HECTD4: variants seen among roughly 807,000 people sequenced by gnomAD.
HECTD4 encodes the protein HECT domain E3 ubiquitin protein ligase 4, also known as probable E3 ubiquitin-protein ligase HECTD4.
Under a neutral mutation model 471.5 loss-of-function variants are expected in HECTD4, and 114 were observed. The ratio of observed to expected loss-of-function variants is 0.24; its 90% CI spans 0.21 to 0.28. HECTD4 has a LOEUF of 0.28. HECTD4 is among the 10% of genes least tolerant of loss of function. The pLI is 1.00. For synonymous variants in HECTD4, 2,012 were observed against 2,256.0 expected (o/e 0.89, Z 3.07); for missense variants, 3,866 against 5,651.5 (o/e 0.68, Z 10.13).
intron 15 of HECTD4, among the ~76,000 whole-genome samples, chr12:112,265,570 T>C (rs2034249740): frequency 6.6e-6 from 1 of 152,170 alleles, no homozygotes; most frequent in Non-Finnish European, 1.5e-5. Flanking sequence ...ATACTCAGCC[T>C]TTCTCATAAA....
At chr12:112,256,258 A>G in intron 21 of HECTD4, 62 bp downstream of exon 21, 2 of 1,211,292 alleles carry the variant, frequency 1.7e-6, no homozygotes, top group Non-Finnish European at 2.2e-6. Context: ...AAAGAAAAAT[A>G]AGAAGCATCT....
At chr12:112,176,452 C>T (rs1300495470) in intron 65 of HECTD4, 144 bp downstream of exon 65, 1 of 632,886 alleles carries the variant, frequency 1.6e-6, no homozygotes, top group East Asian at 2.7e-5. Flanking sequence ...TGCCTGATAC[C>T]CCAGGGAACC....
In HECTD4 at chr12:112,279,341, G is replaced by A; in HGVS notation, c.1574C>T (p.Pro525Leu). ...CAAGTAGGTGCCACAGGTATATATG[G>A]GTGTCTTCCGCAGCATTTTTAGAGG... The part of the protein sequence containing the change: ...GLPLKMLRKT[P>L]IYTCGTYLVM... The change falls in exon 9 of 76, where the codon CCC becomes CTC. Residue 525 changes from proline to leucine, a missense_variant. Pro to Leu is a moderately conservative substitution (Grantham distance 98). Transcript: ENST00000682272. 1 of 1,610,226 alleles carries A rather than the reference G, an allele frequency of 6.2e-7. No homozygotes were observed. Among genetic ancestry groups the A allele is most frequent in the Non-Finnish European group, 8.5e-7 (1 of 1,179,212 alleles).
At chr12:112,216,211 T>C (rs1424276126) in intron 48 of HECTD4, 81 bp downstream of exon 48, 8 of 914,524 alleles carry the variant, frequency 8.7e-6, no homozygotes, top group African/African-American at 1.7e-5. Context: ...AATTGCTAAA[T>C]TTATTCAACT....
At chr12:112,170,494 C>A in intron 68 of HECTD4, 42 bp from the exon 69 acceptor site, 1 of 1,603,176 alleles carries the variant, frequency 6.2e-7, no homozygotes, top group South Asian at 1.1e-5. Flanking sequence ...GGGGCTTTGT[C>A]CCTTCCTTCC....
Position 112,239,005 on chromosome 12 carries a change from C to A in HECTD4, c.5290+47G>T, listed in dbSNP as rs1449001476. On this transcript the variant is annotated intron_variant, in intron 34 of 75. Coordinates refer to ENST00000682272, the MANE Select transcript of HECTD4 (RefSeq NM_001388303.1). This position sits in a 1 kb window ranked among gnomAD's most constrained non-coding sequence, Gnocchi z 4.9. The stretch of plus-strand genomic sequence containing the variant: ...ATAAAAAAACCAATAAACTAACACA[C>A]CAATAGAAGAAATCAGTGAGCTCTA... 2.0e-6 allele frequency: 3 copies of A among 1,533,212 alleles called. No homozygotes were observed. Among genetic ancestry groups the A allele is most frequent in the Non-Finnish European group, 1.8e-6 (2 of 1,138,364 alleles). 95.0% of individuals were successfully genotyped at this position (1,533,212 alleles called of 1,614,324 possible).
At chr12:112,332,034 C>T (rs778385186) in intron 1 of HECTD4, among the ~76,000 whole-genome samples, 3 of 151,840 alleles carry the variant, frequency 2.0e-5, no homozygotes, top group Non-Finnish European at 2.9e-5. Context: ...ACTGGGGATG[C>T]GTGGCCTACA....
intron 17 of HECTD4, among the ~76,000 whole-genome samples, chr12:112,262,897 G>A (rs2034181692): frequency 6.6e-6 from 1 of 152,124 alleles, no homozygotes; most frequent in Non-Finnish European, 1.5e-5. Context: ...GATTACAGGT[G>A]TCAGCCACCA....
intron 35 of HECTD4, 97 bp downstream of exon 35, chr12:112,236,848 T>G: frequency 8.7e-7 from 1 of 1,154,332 alleles, no homozygotes; most frequent in Non-Finnish European, 1.1e-6. Context: ...GCCTAGTAAT[T>G]TAGCTATTTT....
chr12:112,188,963 A>G lies in HECTD4; in HGVS notation c.9472+1823T>C, dbSNP rs1202711823. Reference sequence around the variant, plus strand: ...AGAGAATTCTTCACCAAAATTGCACATGACGGCCTATGCGCTGAAACTTAT... The same window carrying G: ...AGAGAATTCTTCACCAAAATTGCACGTGACGGCCTATGCGCTGAAACTTAT... On this transcript the variant is annotated intron_variant, in intron 60 of 75. Coordinates refer to ENST00000682272, the MANE Select transcript of HECTD4 (RefSeq NM_001388303.1). This position sits in a 1 kb window ranked among gnomAD's most constrained non-coding sequence, Gnocchi z 4.2. Among the ~76,000 whole-genome samples the G allele has an allele frequency of 6.6e-6, 1 of 152,232 alleles. No individual in the cohort carries two copies. Among genetic ancestry groups the G allele is most frequent in the Non-Finnish European group, 1.5e-5 (1 of 68,046 alleles).
intron 7 of HECTD4, among the ~76,000 whole-genome samples, chr12:112,300,642 T>G (rs1199234580): frequency 6.6e-6 from 1 of 152,158 alleles, no homozygotes; most frequent in Admixed American, 6.5e-5. Flanking sequence ...CTGTCACTCA[T>G]GCTGGAATGC....
rs543381775 is a variant in HECTD4, at chr12:112,325,723, C to T, written c.178-5981G>A. Among the ~76,000 whole-genome samples, 15 of 152,188 alleles carry T rather than the reference C, an allele frequency of 9.9e-5. No homozygotes were observed. The South Asian group carries it at 1.7e-3, about 17-fold the overall frequency. Reference sequence around the variant, plus strand: ...AACTGTACTTTGGTGATAATGCTAACGTTACCCTAATTAAGGGAGTGACTG... The same window carrying T: ...AACTGTACTTTGGTGATAATGCTAATGTTACCCTAATTAAGGGAGTGACTG... On this transcript the variant is annotated intron_variant, in intron 1 of 75. Transcript: ENST00000682272.
rs371829562 is a variant in HECTD4, at chr12:112,228,131, G to A, written c.6812C>T (p.Pro2271Leu). ...AAGGAGCCGAACGACTGCCATCACA[G>A]GAGCTGACCCATCTCCTGTTGCAGG... is the stretch of plus-strand genomic sequence containing the variant. ...SLPATGDGSA[P>L]VMAVVRLLAE... The change falls in exon 43 of 76, where the codon CCT becomes CTT. Residue 2271 changes from proline to leucine, a missense_variant. Physicochemically the swap from Pro to Leu is moderately conservative, Grantham distance 98. This residue lies in a region of HECTD4 where 617 missense variants were observed against 915.1 expected (regional missense o/e 0.67). Coordinates refer to ENST00000682272, the MANE Select transcript of HECTD4 (RefSeq NM_001388303.1). This position sits in a 1 kb window ranked among gnomAD's most constrained non-coding sequence, Gnocchi z 4.9. 114 of 1,613,454 alleles carry A rather than the reference G, an allele frequency of 7.1e-5. 1 individual carries two copies. In the Admixed American group the frequency reaches 1.4e-3, roughly 20 times the overall value.
chr12:112,310,527 C>T (rs529237243), intron 4 of HECTD4, among the ~76,000 whole-genome samples: 7 of 152,238 alleles, frequency 4.6e-5, no homozygotes, highest in African/African-American at 1.7e-4. Context: ...TTTTCATAAT[C>T]ATTCTGCTCA....
intron 37 of HECTD4, among the ~76,000 whole-genome samples, chr12:112,234,071 T>C (rs907463954): frequency 6.6e-6 from 1 of 152,214 alleles, no homozygotes; most frequent in South Asian, 2.1e-4. Flanking sequence ...GTAATTCTTA[T>C]TATCTGTTAT....
chr12:112,186,447 C>T (rs773518015), intron 60 of HECTD4, among the ~76,000 whole-genome samples: 71 of 146,890 alleles, frequency 4.8e-4, no homozygotes, highest in Admixed American at 1.7e-3. Context: ...AAGCAATTCT[C>T]TGCCTCAGCC....
intron 44 of HECTD4, among the ~76,000 whole-genome samples, chr12:112,220,039 T>C (rs994463386): frequency 1.3e-5 from 2 of 152,190 alleles, no homozygotes; most frequent in African/African-American, 4.8e-5. Context: ...CAGTACTCAG[T>C]ATTTATCATC....
chr12:112,184,958 C>T lies in HECTD4; in HGVS notation c.10008G>A (p.Ser3336=), dbSNP rs778646127. 4 of 1,613,608 alleles carry T rather than the reference C, an allele frequency of 2.5e-6. No individual in the cohort carries two copies. The highest frequency in any genetic ancestry group is 2.2e-5 in the East Asian group (1 of 44,870). The part of the protein sequence containing the change: ...GKRQSSRTVD[S]DPTVLSIGGS... ...CTCCGATGCTGAGCACGGTGGGGTCCGAGTCCACGGTGCGGGAAGACTGGC... is the reference window on the plus strand; with the variant it reads ...CTCCGATGCTGAGCACGGTGGGGTCTGAGTCCACGGTGCGGGAAGACTGGC... Residue 3336 remains serine (S), a synonymous_variant, in exon 61 of 76, where the codon TCG becomes TCA. Coordinates refer to ENST00000682272, the MANE Select transcript of HECTD4 (RefSeq NM_001388303.1). The surrounding 1 kb of genome is among the most constrained non-coding windows in gnomAD (Gnocchi z 9.1).
rs1566060209 is a variant in HECTD4 at position 112,173,452 on chromosome 12, C to G, written c.11595-591G>C. ...TCGCCCAGGCTGGAGTGCAGTGGTG[C>G]GATCTCAGCTCACTGCAAGCTCTGC... On this transcript the variant is annotated intron_variant, in intron 66 of 75. Coordinates refer to ENST00000682272, the MANE Select transcript of HECTD4 (RefSeq NM_001388303.1). The surrounding 1 kb of genome is among the most constrained non-coding windows in gnomAD (Gnocchi z 4.3). Among the ~76,000 whole-genome samples the G allele has an allele frequency of 6.6e-6, 1 of 151,988 alleles. No individual in the cohort carries two copies. The highest frequency in any genetic ancestry group is 2.4e-5 in the African/African-American group (1 of 41,372).
Sources: allele counts gnomAD v4.1 joint callset (sites outside exome capture counted in the v4.1 genomes callset), GRCh38; gene constraint gnomAD v4.1.1; regional missense constraint gnomAD v4.1.1; non-coding constraint Gnocchi (gnomAD v3.1); transcripts MANE v1.5; gene names NCBI Gene and HGNC (gene_info 2026-07-23, HGNC 2026-07-21).